CSMD1: variants seen among roughly 807,000 people sequenced by gnomAD.
CSMD1 encodes CUB and Sushi multiple domains 1, also known as CUB and sushi domain-containing protein 1.
CSMD1 carries 213 observed loss-of-function variants against 417.5 expected under a neutral mutation model. That is an observed-to-expected ratio of 0.51 (90% CI 0.46 to 0.57). The LOEUF (loss-of-function observed/expected upper bound fraction) is 0.57. Ranked by LOEUF, CSMD1 falls within the 20% of genes least tolerant of loss-of-function variation. The probability of loss-of-function intolerance (pLI) is 0.00; values close to 1 mark genes in which losing one functional copy is unlikely to be tolerated. For synonymous variants in CSMD1, 2,862 were observed against 1,736.8 expected, an observed-to-expected ratio of 1.65 and a Z score of -16.11; for missense variants, 6,923 against 4,529.7, an observed-to-expected ratio of 1.53 and a Z score of -15.17.
At chr8:4,513,680 G>A (rs761965428) in intron 2 of CSMD1, among the ~76,000 whole-genome samples, 2 of 152,140 alleles carry the variant, frequency 1.3e-5, no homozygotes, top group Non-Finnish European at 2.9e-5. Flanking sequence ...AATTGAGAAA[G>A]GTAATTTCAT....
At chr8:4,344,221 T>G (rs78040969) in intron 3 of CSMD1, among the ~76,000 whole-genome samples, 4,314 of 152,208 alleles carry the variant, frequency 0.028, 166 homozygotes, top group African/African-American at 0.093. Flanking sequence ...CTTTCCTCTG[T>G]TTTCCCAAAG....
intron 2 of CSMD1, among the ~76,000 whole-genome samples, chr8:4,504,899 T>G (rs1262449147): frequency 6.6e-6 from 1 of 152,234 alleles, no homozygotes; most frequent in Non-Finnish European, 1.5e-5. Flanking sequence ...GCATTTGGGT[T>G]GGTTCCAAGT....
intron 37 of CSMD1, among the ~76,000 whole-genome samples, chr8:3,171,406 C>A (rs529538333): frequency 6.6e-6 from 1 of 152,312 alleles, no homozygotes; most frequent in Admixed American, 6.5e-5. Context: ...CCACCCATCT[C>A]AATCCCACTG....
At chr8:3,229,633 G>GA (rs964269120) in intron 27 of CSMD1, among the ~76,000 whole-genome samples, 15 of 152,048 alleles carry the variant, frequency 9.9e-5, no homozygotes, top group Non-Finnish European at 1.9e-4. Flanking sequence ...ATCATAGGGG[G>GA]AAAAACATCT....
intron 23 of CSMD1, among the ~76,000 whole-genome samples, chr8:3,332,257 T>G (rs1267041248): frequency 2.0e-5 from 3 of 152,270 alleles, no homozygotes; most frequent in Admixed American, 6.5e-5. Flanking sequence ...TAAACATTGA[T>G]GACAATTGTA....
At chr8:2,978,546 G>A (rs1805128605) in intron 55 of CSMD1, 66 bp downstream of exon 55, 1 of 1,288,202 alleles carries the variant, frequency 7.8e-7, no homozygotes, top group African/African-American at 1.5e-5. Context: ...TATACTTACG[G>A]AATTTTCTGC....
intron 12 of CSMD1, among the ~76,000 whole-genome samples, 186 bp from the exon 13 acceptor site, chr8:3,409,791 T>A (rs558541760): frequency 7.9e-5 from 12 of 152,344 alleles, no homozygotes; most frequent in Admixed American, 5.9e-4. Flanking sequence ...GAATGTCATT[T>A]CAAATGAAGG....
chr8:4,683,178 T>A (rs374876722), intron 1 of CSMD1, among the ~76,000 whole-genome samples: 3 of 151,920 alleles, frequency 2.0e-5, no homozygotes, highest in East Asian at 3.9e-4. Context: ...AAATTTTACT[T>A]ATTCTAAGGG....
chr8:3,972,164 C>T (rs1192964506), intron 5 of CSMD1, among the ~76,000 whole-genome samples: 1 of 151,998 alleles, frequency 6.6e-6, no homozygotes, highest in Non-Finnish European at 1.5e-5. Flanking sequence ...ACCCCTGTGC[C>T]TGGCCCTTCT....
At chr8:4,554,708 G>T (rs1357188178) in intron 2 of CSMD1, among the ~76,000 whole-genome samples, 1 of 152,144 alleles carries the variant, frequency 6.6e-6, no homozygotes, top group African/African-American at 2.4e-5. Context: ...CTAAAAATTA[G>T]GTTTGCAAGT....
chr8:3,556,143 T>G (rs923146001), intron 10 of CSMD1, among the ~76,000 whole-genome samples: 1 of 151,992 alleles, frequency 6.6e-6, no homozygotes, highest in Non-Finnish European at 1.5e-5. Flanking sequence ...AGAGGAACTA[T>G]TCAGAATCAT....
intron 3 of CSMD1, among the ~76,000 whole-genome samples, chr8:4,074,474 T>C (rs988440904): frequency 4.6e-5 from 7 of 152,134 alleles, no homozygotes; most frequent in African/African-American, 1.2e-4. Flanking sequence ...AACCTGTTTA[T>C]AGTCAATTAT....
chr8:4,886,544 T>C (rs1414536356), intron 1 of CSMD1, among the ~76,000 whole-genome samples: 1 of 151,992 alleles, frequency 6.6e-6, no homozygotes, highest in African/African-American at 2.4e-5. Context: ...CCTTCTCTTT[T>C]ATTTTTTGAA....
At chr8:3,004,356 G>A (rs1002020735) in intron 52 of CSMD1, among the ~76,000 whole-genome samples, 1 of 152,162 alleles carries the variant, frequency 6.6e-6, no homozygotes, top group African/African-American at 2.4e-5. Context: ...ATGAAGCCTG[G>A]ATTTCTTGAG....
intron 46 of CSMD1, among the ~76,000 whole-genome samples, chr8:3,103,427 C>T (rs981234620): frequency 6.6e-6 from 1 of 152,112 alleles, no homozygotes; most frequent in African/African-American, 2.4e-5. Context: ...AAACCACACA[C>T]CTGCACAGTA....
In CSMD1 at chr8:4,404,292, A is replaced by G. The variant is rs560373920; in HGVS notation, c.415+15661T>C. 2.1e-4 allele frequency among the ~76,000 whole-genome samples: 32 copies of G among 152,278 alleles called. 1 individual carries two copies. Among genetic ancestry groups the G allele is most frequent in the African/African-American group, 7.0e-4 (29 of 41,554 alleles). On this transcript the variant is annotated intron_variant, in intron 3 of 69. Coordinates refer to ENST00000635120, the MANE Select transcript of CSMD1 (RefSeq NM_033225.6). ...CATCTATCACCTTATGATATGCTGT[A>G]TATTTCAATCATGTATTTGTTTATG...
chr8:4,457,552 TG>T (rs1799564572), intron 2 of CSMD1, among the ~76,000 whole-genome samples: 1 of 152,048 alleles, frequency 6.6e-6, no homozygotes, highest in African/African-American at 2.4e-5. Flanking sequence ...TTATACTAGA[TG>T]GGCCTGTTAA....
chr8:4,845,582 A>T (rs35133528), intron 1 of CSMD1, among the ~76,000 whole-genome samples: 2 of 152,070 alleles, frequency 1.3e-5, no homozygotes, highest in Non-Finnish European at 1.5e-5. Context: ...ATAGTCAACC[A>T]ATATTTATTG....
chr8:3,280,601 A>G (rs1278628806), intron 26 of CSMD1, among the ~76,000 whole-genome samples: 3 of 152,146 alleles, frequency 2.0e-5, no homozygotes, highest in South Asian at 4.1e-4. Context: ...GGTTGGAGGG[A>G]TGGATCCTAT....
Sources: gnomAD v4.1 joint callset for allele counts (sites outside exome capture counted in the v4.1 genomes callset) on GRCh38, gnomAD v4.1.1 for gene constraint, MANE v1.5 for transcripts, NCBI Gene and HGNC (gene_info 2026-07-23, HGNC 2026-07-21) for gene names.